MAPRE2: variants seen among roughly 807,000 people sequenced by gnomAD.
MAPRE2 encodes the protein microtubule associated protein RP/EB family member 2, also known as microtubule-associated protein RP/EB family member 2.
In MAPRE2, 13 loss-of-function variants were observed where a neutral mutation model predicts 43.2. The observed-to-expected ratio is 0.30, with a 90% confidence interval of 0.20 to 0.48. The LOEUF (loss-of-function observed/expected upper bound fraction) is 0.48, where lower values mean the gene tolerates loss of function less well. MAPRE2 is among the 20% of genes least tolerant of loss of function. The pLI, the probability that MAPRE2 is intolerant of heterozygous loss-of-function variation, is 0.99. For synonymous variants in MAPRE2, 135 were observed against 148.8 expected (o/e 0.91, Z 0.68); for missense variants, 161 against 400.2 (o/e 0.40, Z 5.10).
intron 1 of MAPRE2, among the ~76,000 whole-genome samples, chr18:35,055,108 G>A (rs28451662): frequency 0.017 from 2,536 of 152,228 alleles, 68 homozygotes; most frequent in African/African-American, 0.058. Flanking sequence ...TATTACAAAC[G>A]TTTATATGGA....
At chr18:34,985,315 AT>A (rs1568961570) in intron 1 of MAPRE2, among the ~76,000 whole-genome samples, 8 of 9,282 alleles carry the variant, frequency 8.6e-4, no homozygotes, top group African/African-American at 2.4e-3. Context: ...TATATATTAT[AT>A]TATATATATA....
At chr18:35,072,516 G>A (rs962218473) in intron 2 of MAPRE2, among the ~76,000 whole-genome samples, 1 of 152,164 alleles carries the variant, frequency 6.6e-6, no homozygotes, top group African/African-American at 2.4e-5. Context: ...AAACCATGAG[G>A]AACTTCCTAT....
At chr18:35,083,452 A>C (rs1239763636) in intron 2 of MAPRE2, among the ~76,000 whole-genome samples, 1 of 152,082 alleles carries the variant, frequency 6.6e-6, no homozygotes, top group Non-Finnish European at 1.5e-5. Flanking sequence ...TTGCTCCTCT[A>C]TCTGGAATGT....
chr18:34,982,462 G>A (rs1042713594), intron 1 of MAPRE2, among the ~76,000 whole-genome samples: 1 of 152,018 alleles, frequency 6.6e-6, no homozygotes, highest in African/African-American at 2.4e-5. Context: ...CCTATTGGAG[G>A]CCACGAAGAA....
At chr18:35,064,813 A>G (rs1424779694) in intron 1 of MAPRE2, among the ~76,000 whole-genome samples, 1 of 151,480 alleles carries the variant, frequency 6.6e-6, no homozygotes, top group Non-Finnish European at 1.5e-5. Context: ...ACCGCCAAAT[A>G]CTGAATAAAG....
At chr18:35,039,548 T>C (rs2097052466), upstream of MAPRE2, among the ~76,000 whole-genome samples, 1 of 152,162 alleles carries the variant, frequency 6.6e-6, no homozygotes, top group African/African-American at 2.4e-5. Context: ...AAAGATAAAA[T>C]TATTAAAATA....
intron 1 of MAPRE2, among the ~76,000 whole-genome samples, chr18:34,998,582 C>A (rs370066444): frequency 4.0e-5 from 6 of 151,868 alleles, no homozygotes; most frequent in African/African-American, 1.5e-4. Context: ...CCGCCTCGGC[C>A]TCCCAAAGTG....
intron 1 of MAPRE2, among the ~76,000 whole-genome samples, chr18:35,066,528 G>A (rs1437711546): frequency 6.6e-6 from 1 of 152,164 alleles, no homozygotes; most frequent in Non-Finnish European, 1.5e-5. Flanking sequence ...TCTCACCTGA[G>A]TTTAACATTT....
intron 2 of MAPRE2, among the ~76,000 whole-genome samples, chr18:35,075,051 C>T (rs190772503): frequency 3.3e-5 from 5 of 152,292 alleles, no homozygotes; most frequent in East Asian, 1.9e-4. Flanking sequence ...CAAATTGGTG[C>T]GAGCTTTGTC....
intron 3 of MAPRE2, among the ~76,000 whole-genome samples, chr18:35,098,964 GAC>G (rs1157044951): frequency 6.6e-6 from 1 of 152,242 alleles, no homozygotes; most frequent in Non-Finnish European, 1.5e-5. Context: ...TACGGTGAGA[GAC>G]AGCATTAAGT....
intron 2 of MAPRE2, among the ~76,000 whole-genome samples, chr18:35,095,430 T>C (rs1287554015): frequency 1.3e-5 from 2 of 148,532 alleles, no homozygotes; most frequent in Non-Finnish European, 3.0e-5. Context: ...CCAAAGAGGA[T>C]TAGAATGGCA....
At chr18:34,990,126 A>G (rs919795863) in intron 1 of MAPRE2, among the ~76,000 whole-genome samples, 1 of 152,194 alleles carries the variant, frequency 6.6e-6, no homozygotes, top group Non-Finnish European at 1.5e-5. Context: ...AAGAATTGCA[A>G]TGAGAATCTT....
At chr18:35,106,046 G>A (rs1908889907) in intron 4 of MAPRE2, among the ~76,000 whole-genome samples, 1 of 152,076 alleles carries the variant, frequency 6.6e-6, no homozygotes, top group Non-Finnish European at 1.5e-5. Flanking sequence ...TACACAGTCT[G>A]CTTTTGTTCA....
intron 2 of MAPRE2, among the ~76,000 whole-genome samples, chr18:35,011,030 C>T (rs1032644266): frequency 2.0e-5 from 3 of 152,156 alleles, no homozygotes; most frequent in African/African-American, 7.2e-5. Context: ...TCTACCATGG[C>T]TCCATCACTG....
At position 35,142,402 on chromosome 18, in the gene MAPRE2, T is replaced by A. The variant is rs1457213137; in HGVS notation, c.*2033T>A. The A allele has an allele frequency of 2.0e-5, 3 of 152,300 alleles. No individual in the cohort carries two copies. Among genetic ancestry groups the A allele is most frequent in the Non-Finnish European group, 4.4e-5 (3 of 68,090 alleles). The allele number at this position is 152,300 out of a possible 1,614,324, so 9.4% of individuals were successfully genotyped here. A position where few individuals can be genotyped will look rare whatever the true frequency, so the allele number is the denominator to read the frequency against. On this transcript the variant is annotated 3_prime_UTR_variant, in exon 7 of 7. Coordinates refer to ENST00000300249, the MANE Select transcript of MAPRE2 (RefSeq NM_014268.4). ...CAAACTCCTGTCATGTGGATGCACG[T>A]GAGTGGGTAGCAGGGAGTCAGGATC...
At chr18:35,111,070 T>TGTGGGGGGGATCTGCC (rs1909152101) in intron 4 of MAPRE2, among the ~76,000 whole-genome samples, 1 of 152,160 alleles carries the variant, frequency 6.6e-6, no homozygotes, top group Non-Finnish European at 1.5e-5. Context: ...ACTTCATTTA[T>TGTGGGGGGGATCTGCC]CCATATGTTA....
Position 35,125,696 on chromosome 18 carries a change from T to C in MAPRE2, c.611-1252T>C, listed in dbSNP as rs184898102. 3.8e-3 allele frequency among the ~76,000 whole-genome samples: 575 copies of C among 152,356 alleles called. 5 individuals are homozygous for C. The highest frequency in any genetic ancestry group is 3.2e-3 in the Non-Finnish European group (221 of 68,028). On this transcript the variant is annotated intron_variant, in intron 4 of 6. Transcript: ENST00000300249. ...GAATTTCATAATCCATGAAGTACACTGCGTATACATTGGGACATCTATTTT... is the reference window on the plus strand; with the variant it reads ...GAATTTCATAATCCATGAAGTACACCGCGTATACATTGGGACATCTATTTT...
intron 4 of MAPRE2, among the ~76,000 whole-genome samples, chr18:35,118,166 G>T (rs1025041160): frequency 1.3e-5 from 2 of 152,122 alleles, no homozygotes; most frequent in Admixed American, 1.3e-4. Flanking sequence ...ACAAGTCAGC[G>T]AAGAGAGGTC....
intron 1 of MAPRE2, among the ~76,000 whole-genome samples, chr18:34,994,526 G>T (rs931871265): frequency 1.3e-5 from 2 of 152,062 alleles, no homozygotes; most frequent in African/African-American, 2.4e-5. Context: ...GCCAGAGAAG[G>T]TCCTGTTCCA....
Sources: gnomAD v4.1 joint callset for allele counts (sites outside exome capture counted in the v4.1 genomes callset) on GRCh38, gnomAD v4.1.1 for gene constraint, MANE v1.5 for transcripts, NCBI Gene and HGNC (gene_info 2026-07-23, HGNC 2026-07-21) for gene names.